CRACD: variants seen among roughly 807,000 people sequenced by gnomAD.
CRACD encodes capping protein-inhibiting regulator of actin dynamics.
In CRACD, 56 loss-of-function variants were observed where a neutral mutation model predicts 106.8. The ratio of observed to expected loss-of-function variants is 0.52; its 90% CI spans 0.42 to 0.66. CRACD has a LOEUF of 0.66. CRACD is among the 30% of genes least tolerant of loss of function. The pLI is 0.00. For synonymous variants in CRACD, 754 were observed against 670.8 expected (o/e 1.12, Z -1.92); for missense variants, 1,730 against 1,623.2 (o/e 1.07, Z -1.13).
intron 3 of CRACD, among the ~76,000 whole-genome samples, chr4:56,280,506 C>A (rs1021116277): frequency 6.6e-6 from 1 of 152,212 alleles, no homozygotes; most frequent in Non-Finnish European, 1.5e-5. Flanking sequence ...GGCCCCTTCC[C>A]CTGACATTGT....
chr4:56,081,531 C>T (rs1216145430), intron 1 of CRACD, among the ~76,000 whole-genome samples: 1 of 152,214 alleles, frequency 6.6e-6, no homozygotes, highest in Middle Eastern at 3.4e-3. Context: ...ATTAATGCTG[C>T]ACATTTGTAA....
At chr4:56,136,816 T>C (rs1735016821) in intron 1 of CRACD, among the ~76,000 whole-genome samples, 1 of 152,216 alleles carries the variant, frequency 6.6e-6, no homozygotes, top group South Asian at 2.1e-4. Context: ...CCTATTAAGA[T>C]ATATTTGCCT....
rs191455372 is a variant in CRACD, at chr4:56,249,868, T to C, written c.-188-22453T>C. The stretch of plus-strand genomic sequence containing the variant: ...GTGTGCCTGTTACTGCCTTTGTATC[T>C]GATTTATTTCCAACATTACTAGTTT... On this transcript the variant is annotated intron_variant, in intron 2 of 10. Transcript: ENST00000682029. Among the ~76,000 whole-genome samples, 11 of 152,340 alleles carry C rather than the reference T, an allele frequency of 7.2e-5. No individual in the cohort carries two copies. The East Asian group carries it at 2.1e-3, about 29-fold the overall frequency.
At chr4:56,313,943 G>A (rs1745322403) in intron 7 of CRACD, 97 bp from the exon 8 acceptor site, 3 of 1,484,048 alleles carry the variant, frequency 2.0e-6, no homozygotes, top group Non-Finnish European at 2.7e-6. Flanking sequence ...AGGTGTTCTT[G>A]AGAAATTAAG....
At chr4:56,051,247 A>G (rs1181529355) in intron 1 of CRACD, among the ~76,000 whole-genome samples, 1 of 152,204 alleles carries the variant, frequency 6.6e-6, no homozygotes, top group East Asian at 1.9e-4. Flanking sequence ...ACGTGTACAG[A>G]TGGAATTTGT....
Position 56,179,348 on chromosome 4 carries a change from G to A in CRACD, c.-271G>A, listed in dbSNP as rs1049649971. 1.3e-5 allele frequency: 2 copies of A among 152,070 alleles called. No homozygotes were observed. Among genetic ancestry groups the A allele is most frequent in the Non-Finnish European group, 2.9e-5 (2 of 68,024 alleles). 9.4% of individuals were successfully genotyped at this position (152,070 alleles called of 1,614,324 possible). On this transcript the variant is annotated 5_prime_UTR_variant, in exon 2 of 11. The change abolishes the stop of an existing upstream ORF in the 5' untranslated region. Transcript: ENST00000682029. The stretch of plus-strand genomic sequence containing the variant: ...ACCCCATTTCCTGACATTTACAGCT[G>A]AAGGTGAAGTTTCCCTTTTGCAAGG...
intron 2 of CRACD, among the ~76,000 whole-genome samples, chr4:56,267,631 TAAG>T (rs374962469): frequency 2.0e-4 from 30 of 152,268 alleles, no homozygotes; most frequent in African/African-American, 6.5e-4. Flanking sequence ...TTTCTTACGG[TAAG>T]AAGAATTGGT....
chr4:56,258,681 C>T (rs1202428074), intron 2 of CRACD, among the ~76,000 whole-genome samples: 1 of 152,210 alleles, frequency 6.6e-6, no homozygotes, highest in East Asian at 1.9e-4. Flanking sequence ...GAAATCCCCC[C>T]AGTGGGTAGA....
intron 1 of CRACD, among the ~76,000 whole-genome samples, chr4:56,125,027 A>G (rs1560458281): frequency 6.6e-6 from 1 of 152,226 alleles, no homozygotes; most frequent in Non-Finnish European, 1.5e-5. Flanking sequence ...AATCTCCTTT[A>G]ACCAGAATAT....
intron 1 of CRACD, among the ~76,000 whole-genome samples, chr4:56,149,593 A>G (rs1735515287): frequency 1.3e-5 from 2 of 152,228 alleles, no homozygotes; most frequent in African/African-American, 4.8e-5. Context: ...TTGGGGGGAG[A>G]GCACATTGTA....
chr4:56,153,448 A>G (rs981796874), intron 1 of CRACD, among the ~76,000 whole-genome samples: 2 of 151,920 alleles, frequency 1.3e-5, no homozygotes, highest in Non-Finnish European at 2.9e-5. Flanking sequence ...GTCAGTAAAT[A>G]TTCTGTATTT....
At chr4:56,296,255 A>G (rs1298936964) in intron 3 of CRACD, among the ~76,000 whole-genome samples, 2 of 151,724 alleles carry the variant, frequency 1.3e-5, no homozygotes, top group East Asian at 3.9e-4. Flanking sequence ...TAAGTTATTT[A>G]CTCTCTGAGT....
At chr4:56,064,451 C>G (rs909658538) in intron 1 of CRACD, among the ~76,000 whole-genome samples, 1 of 152,198 alleles carries the variant, frequency 6.6e-6, no homozygotes, top group Non-Finnish European at 1.5e-5. Context: ...TGGACCAGCA[C>G]ACTTTTCAAA....
chr4:56,127,679 G>A (rs1734703173), intron 1 of CRACD, among the ~76,000 whole-genome samples: 1 of 152,142 alleles, frequency 6.6e-6, no homozygotes, highest in South Asian at 2.1e-4. Flanking sequence ...TATTTCCCTA[G>A]GGTCTCATGA....
At chr4:56,303,147 C>A (rs772401494) in intron 4 of CRACD, among the ~76,000 whole-genome samples, 1 of 152,210 alleles carries the variant, frequency 6.6e-6, no homozygotes, top group Admixed American at 6.5e-5. Context: ...GAGTTCAAGA[C>A]CAGCCTGGCC....
intron 1 of CRACD, among the ~76,000 whole-genome samples, chr4:56,066,784 GC>G (rs1378717103): frequency 1.3e-5 from 2 of 152,040 alleles, no homozygotes; most frequent in Non-Finnish European, 2.9e-5. Flanking sequence ...TCAGTTCTAT[GC>G]CCATGGAAGA....
intron 1 of CRACD, among the ~76,000 whole-genome samples, chr4:56,159,067 G>T (rs965043826): frequency 3.9e-5 from 6 of 152,186 alleles, no homozygotes; most frequent in African/African-American, 1.4e-4. Flanking sequence ...TTACTTTATA[G>T]TGTTGTGACG....
chr4:56,323,931 G>A (rs926276147), intron 9 of CRACD, among the ~76,000 whole-genome samples, 173 bp from the exon 10 acceptor site: 2 of 152,208 alleles, frequency 1.3e-5, no homozygotes, highest in Admixed American at 1.3e-4. Flanking sequence ...GCTCTGAGCT[G>A]CCCCCTCACC....
intron 3 of CRACD, chr4:56,297,871 C>A (rs565911667): frequency 1.2e-5 from 2 of 164,636 alleles, no homozygotes; most frequent in African/African-American, 4.8e-5. Context: ...TTCTGGTTGG[C>A]AAGACTTACT....
Sources: gnomAD v4.1 joint callset for allele counts (sites outside exome capture counted in the v4.1 genomes callset) on GRCh38, gnomAD v4.1.1 for gene constraint, MANE v1.5 for transcripts, NCBI Gene and HGNC (gene_info 2026-07-23, HGNC 2026-07-21) for gene names.